The following NRG1 variants were observed in gnomAD, a reference collection of about 807,000 sequenced individuals.
NRG1 encodes the protein pro-neuregulin-1, membrane-bound isoform.
In NRG1, 18 loss-of-function variants were observed where a neutral mutation model predicts 63.8. The ratio of observed to expected loss-of-function variants is 0.28; its 90% CI spans 0.19 to 0.42. NRG1 has a LOEUF of 0.42. Ranked by LOEUF, NRG1 falls within the 10% of genes least tolerant of loss-of-function variation. The pLI, the probability that NRG1 is intolerant of heterozygous loss-of-function variation, is 1.00. For missense variants in NRG1, 762 were observed against 814.7 expected, an observed-to-expected ratio of 0.94 and a Z score of 0.79; for synonymous variants, 302 against 301.3, an observed-to-expected ratio of 1.00 and a Z score of -0.02.
chr8:31,748,399 G>A (rs943736426), intron 1 of NRG1, among the ~76,000 whole-genome samples: 1 of 151,848 alleles, frequency 6.6e-6, no homozygotes, highest in Non-Finnish European at 1.5e-5. Flanking sequence ...TTTTGCTTAT[G>A]GTCACAAGTG....
At chr8:32,467,228 GT>G (rs1313166933) in intron 1 of NRG1, among the ~76,000 whole-genome samples, 1 of 152,124 alleles carries the variant, frequency 6.6e-6, no homozygotes, top group Non-Finnish European at 1.5e-5. Flanking sequence ...AAATGGTTCT[GT>G]TTATTTTGTT....
chr8:32,199,286 A>G lies in NRG1; in HGVS notation c.38-396542A>G, dbSNP rs116434110. ...GATACTTTCTGCTTTCATTCCCGCT[A>G]TATACTCTAATTCCAGCTAGATACT... is the stretch of plus-strand genomic sequence containing the variant. On this transcript the variant is annotated intron_variant, in intron 1 of 10. Transcript: ENST00000519301. Among the ~76,000 whole-genome samples, 524 of 152,014 alleles carry G rather than the reference A, an allele frequency of 3.4e-3. 8 individuals are homozygous for G. The highest frequency in any genetic ancestry group is 0.012 in the African/African-American group (508 of 41,434).
At chr8:32,108,637 C>T (rs574381326) in intron 1 of NRG1, among the ~76,000 whole-genome samples, 1 of 151,938 alleles carries the variant, frequency 6.6e-6, no homozygotes, top group African/African-American at 2.4e-5. Flanking sequence ...TCTCGGTGGG[C>T]CCCTTGTAAT....
chr8:32,268,376 A>T (rs1041210221), intron 1 of NRG1, among the ~76,000 whole-genome samples: 3 of 152,214 alleles, frequency 2.0e-5, no homozygotes. Context: ...CATACTTACT[A>T]AAAAAGTTTT....
At chr8:31,930,017 T>C (rs1389477712) in intron 1 of NRG1, among the ~76,000 whole-genome samples, 3 of 152,224 alleles carry the variant, frequency 2.0e-5, no homozygotes, top group Admixed American at 2.0e-4. Context: ...ATTCTGTAGC[T>C]GGCTGGGACT....
intron 1 of NRG1, among the ~76,000 whole-genome samples, chr8:31,670,868 G>A (rs550102927): frequency 1.5e-3 from 228 of 152,202 alleles, no homozygotes; most frequent in African/African-American, 5.1e-3. Flanking sequence ...TAAATTGCAT[G>A]TTGCAAGGGT....
intron 1 of NRG1, among the ~76,000 whole-genome samples, chr8:32,342,609 A>T (rs549265658): frequency 6.6e-6 from 1 of 152,028 alleles, no homozygotes; most frequent in Admixed American, 6.6e-5. Flanking sequence ...AGAAAAGACC[A>T]CTCTCACCTT....
intron 1 of NRG1, among the ~76,000 whole-genome samples, chr8:32,582,711 C>T (rs2439295): frequency 0.35 from 53,631 of 151,990 alleles, 10,064 homozygotes; most frequent in Middle Eastern, 0.44. Context: ...CCCAAGTTTT[C>T]TCCTTTGTGT....
At chr8:32,306,684 T>C (rs947924654) in intron 1 of NRG1, among the ~76,000 whole-genome samples, 2 of 152,214 alleles carry the variant, frequency 1.3e-5, no homozygotes, top group Non-Finnish European at 1.5e-5. Flanking sequence ...TTGACATAAA[T>C]GGTAGGACGA....
intron 1 of NRG1, among the ~76,000 whole-genome samples, chr8:31,935,841 G>A (rs769802784): frequency 8.5e-5 from 13 of 152,154 alleles, no homozygotes; most frequent in African/African-American, 1.2e-4. Flanking sequence ...GATCTACCCC[G>A]TAAGGCTCCA....
At chr8:31,855,356 C>A (rs188919814) in intron 1 of NRG1, among the ~76,000 whole-genome samples, 5,991 of 152,176 alleles carry the variant, frequency 0.039, 421 homozygotes, top group African/African-American at 0.14. Context: ...GATCCCTTTA[C>A]CATTATGTAA....
intron 1 of NRG1, among the ~76,000 whole-genome samples, chr8:31,687,353 A>G (rs4424218): frequency 0.96 from 146,388 of 152,320 alleles, 70,582 homozygotes; most frequent in East Asian, 1. Context: ...AGAATAGTCA[A>G]GCAGCTGAGA....
chr8:32,635,066 G>C (rs10098373), intron 5 of NRG1, among the ~76,000 whole-genome samples: 76,216 of 152,008 alleles, frequency 0.5, 19,542 homozygotes, highest in Middle Eastern at 0.57. Flanking sequence ...TCACAGTCAG[G>C]CTTCTCTTCC....
intron 1 of NRG1, among the ~76,000 whole-genome samples, chr8:32,247,888 C>T (rs989464): frequency 0.65 from 98,811 of 151,894 alleles, 32,436 homozygotes; most frequent in Admixed American, 0.75. Context: ...ACTAAGAAGT[C>T]AAGAAAATGT....
chr8:31,653,910 T>C (rs919710354), intron 1 of NRG1, among the ~76,000 whole-genome samples: 4 of 152,090 alleles, frequency 2.6e-5, no homozygotes, highest in African/African-American at 7.2e-5. Flanking sequence ...TGGAGAAATA[T>C]TCTCAGGCTT....
chr8:31,815,059 T>C (rs1823301904), intron 1 of NRG1, among the ~76,000 whole-genome samples: 1 of 152,170 alleles, frequency 6.6e-6, no homozygotes, highest in South Asian at 2.1e-4. Context: ...TTTGTTTGCA[T>C]CTCTTCAATT....
chr8:32,723,417 C>T (rs542141817), intron 5 of NRG1, among the ~76,000 whole-genome samples: 71 of 152,112 alleles, frequency 4.7e-4, no homozygotes, highest in African/African-American at 1.5e-3. Flanking sequence ...CGTGGTGGCT[C>T]ACGCCTGTAA....
At chr8:32,425,320 A>G (rs1817224931) in intron 1 of NRG1, among the ~76,000 whole-genome samples, 1 of 152,192 alleles carries the variant, frequency 6.6e-6, no homozygotes, top group Admixed American at 6.5e-5. Context: ...CCTATTTAGA[A>G]AGCAGTAATT....
chr8:31,867,624 C>T (rs969172824), intron 1 of NRG1, among the ~76,000 whole-genome samples: 1 of 151,990 alleles, frequency 6.6e-6, no homozygotes, highest in Admixed American at 6.6e-5. Context: ...AATAAAGATA[C>T]CTGAGTTGGG....
Sources: gnomAD v4.1 joint callset for allele counts (sites outside exome capture counted in the v4.1 genomes callset) on GRCh38, gnomAD v4.1.1 for gene constraint, MANE v1.5 for transcripts, NCBI Gene and HGNC (gene_info 2026-07-23, HGNC 2026-07-21) for gene names.